BCL2L14: variants seen among roughly 807,000 people sequenced by gnomAD.
BCL2L14 encodes BCL2 like 14, also known as apoptosis facilitator Bcl-2-like protein 14.
In BCL2L14, 27 loss-of-function variants were observed where a neutral mutation model predicts 35.3. The ratio of observed to expected loss-of-function variants is 0.76; its 90% CI spans 0.56 to 1.05. The LOEUF (loss-of-function observed/expected upper bound fraction) is 1.05. BCL2L14 is among the 50% of genes least tolerant of loss of function. The probability of loss-of-function intolerance (pLI) is 0.00; values close to 1 mark genes in which losing one functional copy is unlikely to be tolerated. For missense variants in BCL2L14, 377 were observed against 382.6 expected (o/e 0.99, Z 0.12); for synonymous variants, 139 against 145.9 (o/e 0.95, Z 0.34).
chr12:12,096,947 TC>T (rs1055172953), intron 5 of BCL2L14, among the ~76,000 whole-genome samples: 2 of 152,004 alleles, frequency 1.3e-5, no homozygotes, highest in African/African-American at 2.4e-5. Flanking sequence ...ATCGAGACCA[TC>T]CTGGCTAACA....
intron 2 of BCL2L14, among the ~76,000 whole-genome samples, chr12:12,084,592 C>A (rs1266903270): frequency 6.6e-6 from 1 of 152,156 alleles, no homozygotes; most frequent in African/African-American, 2.4e-5. Context: ...GAACAGACAG[C>A]CTTTCTGTCT....
At chr12:12,052,950 A>G (rs137976562) in intron 2 of BCL2L14, among the ~76,000 whole-genome samples, 51 of 152,332 alleles carry the variant, frequency 3.3e-4, no homozygotes, top group African/African-American at 1.2e-3. Flanking sequence ...GGGCAGGGGT[A>G]GTAGAAGAGC....
At chr12:12,056,302 G>A (rs1433364471) in intron 2 of BCL2L14, among the ~76,000 whole-genome samples, 1 of 152,128 alleles carries the variant, frequency 6.6e-6, no homozygotes. Context: ...AACATCTCCT[G>A]TGGGCACTAT....
Position 12,079,613 on chromosome 12 carries a change from A to C in BCL2L14, c.308A>C (p.Glu103Ala). 2 of 1,614,204 alleles carry C rather than the reference A, an allele frequency of 1.2e-6. No individual in the cohort carries two copies. The highest frequency in any genetic ancestry group is 1.7e-6 in the Non-Finnish European group (2 of 1,180,046). Residue 103 changes from glutamate to alanine, a missense_variant, in exon 2 of 6, where the codon GAA (glutamate) becomes GCA (alanine). Transcript: ENST00000308721. ...GCATTCTTTGGAGTAGTGGAGAAGGAAGATTCGCAGAGCACGCCTGCCAAG... is the reference window on the plus strand; with the variant it reads ...GCATTCTTTGGAGTAGTGGAGAAGGCAGATTCGCAGAGCACGCCTGCCAAG... The part of the protein sequence containing the change: ...WKAFFGVVEK[E>A]DSQSTPAKVS...
intron 2 of BCL2L14, among the ~76,000 whole-genome samples, chr12:12,062,579 G>A (rs1190944817): frequency 1.3e-5 from 2 of 151,424 alleles, no homozygotes; most frequent in Non-Finnish European, 2.9e-5. Flanking sequence ...TCAAGCTTGA[G>A]GATTTACCCC....
chr12:12,052,386 C>T (rs117080167), intron 2 of BCL2L14, among the ~76,000 whole-genome samples: 10,005 of 152,206 alleles, frequency 0.066, 425 homozygotes, highest in Non-Finnish European at 0.089. Flanking sequence ...ACCGCTCCAC[C>T]CCCAGTCCCT....
chr12:12,094,440 C>A (rs1184862199), intron 4 of BCL2L14: 7 of 1,319,420 alleles, frequency 5.3e-6, no homozygotes, highest in Admixed American at 3.4e-5. Context: ...ACTGACTGTT[C>A]CATTTTATAC....
At chr12:12,097,634 A>G (rs945866632) in intron 5 of BCL2L14, among the ~76,000 whole-genome samples, 2 of 152,236 alleles carry the variant, frequency 1.3e-5, no homozygotes, top group Admixed American at 1.3e-4. Context: ...TGAATATACT[A>G]AAAGTGAATA....
intron 2 of BCL2L14, among the ~76,000 whole-genome samples, chr12:12,059,512 C>T (rs1239045637): frequency 6.6e-6 from 1 of 151,822 alleles, no homozygotes; most frequent in Non-Finnish European, 1.5e-5. Flanking sequence ...TATTTCCATG[C>T]CCCAACCTCT....
chr12:12,081,856 C>T (rs1350429645), intron 2 of BCL2L14, among the ~76,000 whole-genome samples: 2 of 152,090 alleles, frequency 1.3e-5, no homozygotes. Context: ...TGCACCCAGC[C>T]GCAAAGCCAG....
chr12:12,051,108 C>T (rs199887171), intron 1 of BCL2L14, among the ~76,000 whole-genome samples: 1 of 152,220 alleles, frequency 6.6e-6, no homozygotes, highest in East Asian at 1.9e-4. Context: ...TGAAATTGAC[C>T]TTGTAGGGGC....
upstream of BCL2L14, among the ~76,000 whole-genome samples, chr12:12,067,475 C>T (rs973358113): frequency 5.3e-5 from 8 of 151,862 alleles, no homozygotes; most frequent in South Asian, 1.3e-3. Context: ...AGCTTGAACC[C>T]GGGAGGCAGA....
chr12:12,059,240 C>T (rs183293203), intron 2 of BCL2L14, among the ~76,000 whole-genome samples: 8 of 151,762 alleles, frequency 5.3e-5, no homozygotes, highest in East Asian at 3.9e-4. Context: ...CGGCAAGTCC[C>T]GCTTTTCTGG....
intron 2 of BCL2L14, among the ~76,000 whole-genome samples, chr12:12,056,018 A>C (rs1483093891): frequency 6.6e-6 from 1 of 151,986 alleles, no homozygotes; most frequent in Non-Finnish European, 1.5e-5. Context: ...ATGTCTGATC[A>C]CCCTGCCTGG....
At chr12:12,064,189 T>A (rs559872480) in intron 2 of BCL2L14, among the ~76,000 whole-genome samples, 4 of 152,196 alleles carry the variant, frequency 2.6e-5, no homozygotes, top group African/African-American at 9.6e-5. Flanking sequence ...CAGGCTGGAG[T>A]GCAGTGGTTT....
intron 1 of BCL2L14, among the ~76,000 whole-genome samples, chr12:12,076,297 A>G (rs965249786): frequency 5.3e-5 from 8 of 152,126 alleles, no homozygotes; most frequent in Admixed American, 4.6e-4. Context: ...ACCTTCGAGG[A>G]GACACTGACG....
In BCL2L14 at chr12:12,065,620, G is replaced by A. The variant is rs149170466; in HGVS notation, c.-271-12086G>A. Among the ~76,000 whole-genome samples, 398 of 151,896 alleles carry A rather than the reference G, an allele frequency of 2.6e-3. 3 individuals carry two copies. In the Middle Eastern group the frequency reaches 0.048, roughly 18 times the overall value. On this transcript the variant is annotated intron_variant, in intron 2 of 3. Coordinates refer to the BCL2L14 transcript ENST00000461264. ...GAGGTGGCAAACTGTGGGAAGGTAAGTAGATGGGAAAAGTAATGGAAGATA... is the reference window on the plus strand; with the variant it reads ...GAGGTGGCAAACTGTGGGAAGGTAAATAGATGGGAAAAGTAATGGAAGATA...
intron 2 of BCL2L14, among the ~76,000 whole-genome samples, chr12:12,086,978 C>T (rs541629949): frequency 6.6e-6 from 1 of 152,284 alleles, no homozygotes; most frequent in South Asian, 2.1e-4. Flanking sequence ...AAAGAGTGTG[C>T]AGAAGGCCAA....
Position 12,079,478 on chromosome 12 carries a change from T to C in BCL2L14, c.173T>C (p.Leu58Pro), listed in dbSNP as rs1948862330. 1 of 1,614,138 alleles carries C rather than the reference T, an allele frequency of 6.2e-7. No individual in the cohort carries two copies. The highest frequency in any genetic ancestry group is 8.5e-7 in the Non-Finnish European group (1 of 1,180,054). The change falls in exon 2 of 6, where the codon CTG becomes CCG. Residue 58 changes from leucine (L) to proline (P), a missense_variant. Coordinates refer to ENST00000308721, the MANE Select transcript of BCL2L14 (RefSeq NM_138723.2). ...ACAAGAAGTTTGTCCCAGAGGGGCC[T>C]GGGGAATTGTTCAGCAAATGAGTCA... Reference protein sequence around the residue: ...LRTRSLSQRGLGNCSANESWT... With the variant: ...LRTRSLSQRGPGNCSANESWT...
Sources: gnomAD v4.1 joint callset for allele counts (sites outside exome capture counted in the v4.1 genomes callset) on GRCh38, gnomAD v4.1.1 for gene constraint, MANE v1.5 for transcripts, NCBI Gene and HGNC (gene_info 2026-07-23, HGNC 2026-07-21) for gene names.